PRCP: variants seen among roughly 807,000 people sequenced by gnomAD.
PRCP encodes prolylcarboxypeptidase.
In PRCP, 46 loss-of-function variants were observed where a neutral mutation model predicts 54.2. The observed-to-expected ratio is 0.85, with a 90% CI of 0.67 to 1.09. The LOEUF (loss-of-function observed/expected upper bound fraction) is 1.09. Among genes scored for constraint, PRCP ranks in the 50% least tolerant of loss-of-function variants. PRCP has a pLI of 0.00. For synonymous variants in PRCP, 240 were observed against 212.2 expected (o/e 1.13, Z -1.14); for missense variants, 613 against 596.8 (o/e 1.03, Z -0.28).
chr11:82,846,820 G>C (rs1385719733), intron 6 of PRCP, among the ~76,000 whole-genome samples: 1 of 152,152 alleles, frequency 6.6e-6, no homozygotes, highest in Non-Finnish European at 1.5e-5. Flanking sequence ...GAACATTAAA[G>C]AGGTAGGGAG....
At chr11:82,878,582 T>A (rs1859662152) in intron 1 of PRCP, among the ~76,000 whole-genome samples, 1 of 152,202 alleles carries the variant, frequency 6.6e-6, no homozygotes, top group Non-Finnish European at 1.5e-5. Flanking sequence ...CCCATTGTCA[T>A]TATGATGTTA....
rs533447473 is a variant in PRCP, at chr11:82,823,802, G to A, written c.*1104C>T. On this transcript the variant is annotated 3_prime_UTR_variant, in exon 9 of 9. Transcript: ENST00000313010. The stretch of plus-strand genomic sequence containing the variant: ...AAAGGTCTCAGTGTAAGAACTGCTT[G>A]AAAGAAGCCAACCCCTTGGAAATAG... The A allele has an allele frequency of 6.6e-6, 1 of 152,262 alleles. No individual in the cohort carries two copies. Among genetic ancestry groups the A allele is most frequent in the East Asian group, 1.9e-4 (1 of 5,184 alleles). 9.4% of individuals were successfully genotyped at this position (152,262 alleles called of 1,614,324 possible). A position where few individuals can be genotyped will look rare whatever the true frequency, so the allele number is the denominator to read the frequency against.
intron 2 of PRCP, among the ~76,000 whole-genome samples, chr11:82,859,261 A>G (rs1214353377): frequency 6.6e-6 from 1 of 152,246 alleles, no homozygotes; most frequent in Non-Finnish European, 1.5e-5. Flanking sequence ...AAGCAAGCTA[A>G]CAGGCTATAT....
chr11:82,843,990 A>G (rs2845698), intron 6 of PRCP, among the ~76,000 whole-genome samples: 2,656 of 58,344 alleles, frequency 0.046, 53 homozygotes, highest in Middle Eastern at 0.14. Context: ...CTGATGTGGG[A>G]AAAAAAAAAA....
rs147473571 is a variant in PRCP at position 82,875,913 on chromosome 11, T to C, written c.169-15796A>G. On this transcript the variant is annotated intron_variant, in intron 1 of 8. Transcript: ENST00000313010. ...CCCACTTCATATTCCAGAAATGCTC[T>C]GGACATACGCTTTCTGAAGTCTCCA... Among the ~76,000 whole-genome samples, 635 of 152,326 alleles carry C rather than the reference T, an allele frequency of 4.2e-3. 3 individuals carry two copies. Among genetic ancestry groups the C allele is most frequent in the African/African-American group, 0.014 (599 of 41,578 alleles).
intron 1 of PRCP, among the ~76,000 whole-genome samples, chr11:82,869,830 T>C (rs142288922): frequency 2.5e-4 from 38 of 152,332 alleles, no homozygotes; most frequent in African/African-American, 7.9e-4. Flanking sequence ...CACAACACTG[T>C]AGTTGGATGT....
chr11:82,859,850 G>A (rs1859167446), intron 2 of PRCP, 127 bp downstream of exon 2: 3 of 938,878 alleles, frequency 3.2e-6, no homozygotes, highest in Non-Finnish European at 4.4e-6. Context: ...TAATTTTTTT[G>A]TTATTTTTTA....
intron 1 of PRCP, chr11:82,899,855 G>A (rs1187484327): frequency 4.9e-6 from 1 of 205,164 alleles, no homozygotes; most frequent in African/African-American, 2.4e-5. Context: ...GGGCTGCCTT[G>A]GGGCAAAGGA....
chr11:82,873,262 A>C (rs1019582517), intron 1 of PRCP, among the ~76,000 whole-genome samples: 1 of 152,204 alleles, frequency 6.6e-6, no homozygotes. Flanking sequence ...CTCAATGAAG[A>C]AGGACTCAAT....
intron 1 of PRCP, among the ~76,000 whole-genome samples, chr11:82,890,888 C>A (rs573229915): frequency 3.6e-4 from 55 of 152,364 alleles, no homozygotes; most frequent in African/African-American, 1.3e-3. Flanking sequence ...CCTCCTCCAA[C>A]TGTTCCTTCT....
At chr11:82,896,633 C>G (rs1270266954) in intron 1 of PRCP, among the ~76,000 whole-genome samples, 1 of 135,984 alleles carries the variant, frequency 7.4e-6, no homozygotes, top group East Asian at 2.2e-4. Flanking sequence ...GAGCCGAGAT[C>G]TCACCACTGC....
chr11:82,874,108 A>C (rs570094857), intron 1 of PRCP, among the ~76,000 whole-genome samples: 1 of 152,352 alleles, frequency 6.6e-6, no homozygotes, highest in African/African-American at 2.4e-5. Context: ...CCTCAGCAGA[A>C]ACCAAAAAGC....
intron 1 of PRCP, among the ~76,000 whole-genome samples, chr11:82,866,124 T>C (rs1160922761): frequency 6.6e-6 from 1 of 152,226 alleles, no homozygotes; most frequent in East Asian, 1.9e-4. Flanking sequence ...AAACCCTGCT[T>C]AAATGTTCTA....
chr11:82,830,198 T>C (rs1187591183), intron 8 of PRCP: 1 of 152,170 alleles, frequency 6.6e-6, no homozygotes, highest in Non-Finnish European at 1.5e-5. Flanking sequence ...TTATAGTTAT[T>C]ACCATACTCT....
intron 2 of PRCP, among the ~76,000 whole-genome samples, chr11:82,855,575 C>A (rs1859065109): frequency 6.6e-6 from 1 of 152,066 alleles, no homozygotes; most frequent in Non-Finnish European, 1.5e-5. Flanking sequence ...GCCCAGATCA[C>A]GCCACTGCAC....
In PRCP at chr11:82,824,910, T is replaced by C. The variant is rs749455351; in HGVS notation, c.1487A>G (p.His496Arg). The C allele has an allele frequency of 1.9e-6, 3 of 1,613,474 alleles. No homozygotes were observed. The South Asian group carries it at 3.3e-5, about 18-fold the overall frequency. ...TTGAAAACAATCAAAAGTTTCTCAGTGCTGCTTTCCCGCACTGTCATAGAA... is the reference window on the plus strand; with the variant it reads ...TTGAAAACAATCAAAAGTTTCTCAGCGCTGCTTTCCCGCACTGTCATAGAA... Reference protein sequence around the residue: ...RDFYDSAGKQH With the variant: ...RDFYDSAGKQR The change falls in exon 9 of 9, where the codon CAC becomes CGC. Residue 496 changes from histidine to arginine, a missense_variant. Coordinates refer to ENST00000313010, the MANE Select transcript of PRCP (RefSeq NM_005040.4).
Position 82,900,313 on chromosome 11 carries a change from G to A in PRCP, c.90C>T (p.Gly30=), listed in dbSNP as rs762750919. 1.2e-6 allele frequency: 2 copies of A among 1,614,238 alleles called. No homozygotes were observed. Among genetic ancestry groups the A allele is most frequent in the East Asian group, 2.2e-5 (1 of 44,890 alleles). The change falls in exon 1 of 9, where the codon GGC becomes GGT. Residue 30 remains glycine, a synonymous_variant. Coordinates refer to ENST00000313010, the MANE Select transcript of PRCP (RefSeq NM_005040.4). ...TGGGGTTGGTTGGCAAGTGTAGGCT[G>A]CCGAGGGCCCTTAAGGCCGGCCGGA... ...IALRPALRAL[G]SLHLPTNPTS... is the part of the protein sequence containing the mutation.
intron 1 of PRCP, among the ~76,000 whole-genome samples, chr11:82,896,390 A>T (rs1860121357): frequency 6.6e-6 from 1 of 152,158 alleles, no homozygotes; most frequent in South Asian, 2.1e-4. Flanking sequence ...TTATCTAATC[A>T]GTTTAAGGCC....
intron 1 of PRCP, among the ~76,000 whole-genome samples, chr11:82,861,555 T>C (rs547172740): frequency 6.6e-6 from 1 of 152,248 alleles, no homozygotes; most frequent in South Asian, 2.1e-4. Flanking sequence ...TATCTCCTCA[T>C]GTGGCACAAC....
Sources: gnomAD v4.1 joint callset for allele counts (sites outside exome capture counted in the v4.1 genomes callset) on GRCh38, gnomAD v4.1.1 for gene constraint, MANE v1.5 for transcripts, NCBI Gene and HGNC (gene_info 2026-07-23, HGNC 2026-07-21) for gene names.